CDH12: variants seen among roughly 807,000 people sequenced by gnomAD.
The protein encoded by CDH12 is cadherin 12.
CDH12 carries 41 observed loss-of-function variants against 74.1 expected under a neutral mutation model. The ratio of observed to expected loss-of-function variants is 0.55; its 90% CI spans 0.43 to 0.72. The LOEUF is 0.72. Ranked by LOEUF, CDH12 falls within the 30% of genes least tolerant of loss-of-function variation. CDH12 has a pLI of 0.00. For synonymous variants in CDH12, 399 were observed against 355.0 expected (o/e 1.12, Z -1.39); for missense variants, 945 against 977.2 (o/e 0.97, Z 0.44).
In CDH12 at chr5:21,920,688, A is replaced by AATAATAATAATAATC. The variant is rs567836094; in HGVS notation, c.526+54402_526+54403insGATTATTATTATTAT. ...AAAGTATGATAATAATAATAATAAT[A>AATAATAATAATAATC]ATCTTCAAAGCCAATATAGCCATTT... On this transcript the variant is annotated intron_variant, in intron 6 of 14. Transcript: ENST00000382254. 4.1e-3 allele frequency among the ~76,000 whole-genome samples: 622 copies of AATAATAATAATAATC among 150,062 alleles called. 1 individual carries two copies. The highest frequency in any genetic ancestry group is 6.7e-3 in the Non-Finnish European group (452 of 67,546).
chr5:22,322,868 T>G (rs1738942709), intron 3 of CDH12, among the ~76,000 whole-genome samples: 1 of 152,186 alleles, frequency 6.6e-6, no homozygotes, highest in Admixed American at 6.5e-5. Context: ...CCTGAATTAA[T>G]ATTTTACACA....
In CDH12 at chr5:22,078,878, A is replaced by G. The variant is rs530753129; in HGVS notation, c.-186-16T>C. The G allele has an allele frequency of 1.3e-5, 16 of 1,275,224 alleles. No individual in the cohort carries two copies. Among genetic ancestry groups the G allele is most frequent in the Non-Finnish European group, 1.6e-5 (16 of 998,236 alleles). 79.0% of individuals were successfully genotyped at this position (1,275,224 alleles called of 1,614,324 possible). Reference sequence around the variant, plus strand: ...CTAAAGGGGCCTATGAAATAGATGAACAAAGATACATTAAATTAATGAAAT... The same window carrying G: ...CTAAAGGGGCCTATGAAATAGATGAGCAAAGATACATTAAATTAATGAAAT... On this transcript the variant is annotated splice_polypyrimidine_tract_variant and intron_variant, in intron 4 of 14. Coordinates refer to ENST00000382254, the MANE Select transcript of CDH12 (RefSeq NM_004061.5).
intron 5 of CDH12, among the ~76,000 whole-genome samples, chr5:22,033,037 A>C (rs1383112946): frequency 1.4e-5 from 1 of 73,744 alleles, no homozygotes; most frequent in African/African-American, 7.8e-5. Context: ...TCTTGCTTCC[A>C]AAAAAAAAAA....
rs566819505 is a variant in CDH12, at chr5:22,698,921, G to A, written c.-523+154137C>T. Reference sequence around the variant, plus strand: ...AGGTGTAGTTTCTCTATGTAGTTGTGATACCAATATTTCTTTGTGTTTGAT... The same window carrying A: ...AGGTGTAGTTTCTCTATGTAGTTGTAATACCAATATTTCTTTGTGTTTGAT... On this transcript the variant is annotated intron_variant, in intron 1 of 14. Transcript: ENST00000382254. Among the ~76,000 whole-genome samples the A allele has an allele frequency of 3.0e-4, 45 of 151,596 alleles. 1 individual carries two copies. In the South Asian group the frequency reaches 9.4e-3, roughly 32 times the overall value.
chr5:21,901,744 C>A (rs1371642436), intron 6 of CDH12, among the ~76,000 whole-genome samples: 1 of 152,052 alleles, frequency 6.6e-6, no homozygotes, highest in Non-Finnish European at 1.5e-5. Flanking sequence ...CAGGTGTTCT[C>A]CCTCACTATG....
At chr5:21,994,251 C>T (rs564229173) in intron 5 of CDH12, among the ~76,000 whole-genome samples, 1 of 151,938 alleles carries the variant, frequency 6.6e-6, no homozygotes, top group South Asian at 2.1e-4. Context: ...AATAGAGTCC[C>T]TTCTAAAAAT....
intron 3 of CDH12, among the ~76,000 whole-genome samples, chr5:22,284,631 T>C (rs1352264007): frequency 2.0e-5 from 3 of 152,172 alleles, no homozygotes; most frequent in Non-Finnish European, 4.4e-5. Flanking sequence ...CTTAACCTAT[T>C]CATGGAAATT....
intron 1 of CDH12, among the ~76,000 whole-genome samples, chr5:22,793,008 C>G (rs1157241440): frequency 6.6e-6 from 1 of 152,192 alleles, no homozygotes; most frequent in African/African-American, 2.4e-5. Flanking sequence ...TGACCATGCA[C>G]CCCAAGGTAT....
chr5:22,397,096 A>C (rs901360565), intron 3 of CDH12, among the ~76,000 whole-genome samples: 1 of 152,116 alleles, frequency 6.6e-6, no homozygotes, highest in Admixed American at 6.6e-5. Flanking sequence ...TAAAAAGACA[A>C]TATCTCCCTG....
chr5:22,169,736 T>A (rs1748908650), intron 4 of CDH12, among the ~76,000 whole-genome samples: 1 of 151,956 alleles, frequency 6.6e-6, no homozygotes, highest in African/African-American at 2.4e-5. Context: ...AATTGATACA[T>A]AATATCTCAT....
chr5:22,477,867 C>T (rs535311134), intron 2 of CDH12, among the ~76,000 whole-genome samples: 125 of 152,284 alleles, frequency 8.2e-4, no homozygotes, highest in Non-Finnish European at 1.3e-3. Flanking sequence ...CATCTTATGT[C>T]ACATCCACAA....
intron 3 of CDH12, among the ~76,000 whole-genome samples, chr5:22,310,629 T>C (rs1738348589): frequency 6.6e-6 from 1 of 152,184 alleles, no homozygotes; most frequent in African/African-American, 2.4e-5. Context: ...TCCAATAGCA[T>C]CTACCCAAAA....
chr5:22,712,098 C>T (rs1347317077), intron 1 of CDH12, among the ~76,000 whole-genome samples: 1 of 151,956 alleles, frequency 6.6e-6, no homozygotes, highest in Non-Finnish European at 1.5e-5. Flanking sequence ...ACAGTAAATG[C>T]TCAGTAAGTG....
intron 2 of CDH12, among the ~76,000 whole-genome samples, chr5:22,445,440 C>T (rs1283388854): frequency 6.6e-6 from 1 of 152,044 alleles, no homozygotes; most frequent in Non-Finnish European, 1.5e-5. Flanking sequence ...TTCTATCCTG[C>T]CCCTTGGATA....
chr5:22,631,105 G>C (rs1202087072), intron 1 of CDH12, among the ~76,000 whole-genome samples: 2 of 152,144 alleles, frequency 1.3e-5, no homozygotes, highest in Non-Finnish European at 2.9e-5. Flanking sequence ...ACACCAGTTA[G>C]AATGGTTATT....
chr5:22,640,974 T>C lies in CDH12; in HGVS notation c.-522-135610A>G, dbSNP rs115494462. ...GTATTAACATTTTCAAGCTTTCTGA[T>C]GTGCCTTCTGCCAACTTCCCCCACT... On this transcript the variant is annotated intron_variant, in intron 1 of 14. Transcript: ENST00000382254. Among the ~76,000 whole-genome samples the C allele has an allele frequency of 4.9e-3, 747 of 152,338 alleles. 8 individuals carry two copies. Among genetic ancestry groups the C allele is most frequent in the African/African-American group, 0.017 (712 of 41,578 alleles).
At chr5:22,294,798 G>A (rs981674650) in intron 3 of CDH12, among the ~76,000 whole-genome samples, 3 of 152,156 alleles carry the variant, frequency 2.0e-5, no homozygotes, top group South Asian at 2.1e-4. Context: ...ATGGCCTCTC[G>A]TTTCTTATGT....
chr5:21,885,762 T>C (rs1175409231), intron 6 of CDH12, among the ~76,000 whole-genome samples: 2 of 152,174 alleles, frequency 1.3e-5, no homozygotes, highest in African/African-American at 4.8e-5. Flanking sequence ...CTCTACTATA[T>C]CATCAGTGCT....
In CDH12 at chr5:22,306,340, A is replaced by T. The variant is rs186243544; in HGVS notation, c.-332-93697T>A. On this transcript the variant is annotated intron_variant, in intron 3 of 14. Coordinates refer to ENST00000382254, the MANE Select transcript of CDH12 (RefSeq NM_004061.5). ...CTTTGCCTTGTGGTATAAGGAAAAA[A>T]AATAATGAGAGAGAGAAAAAGAAAG... is the stretch of plus-strand genomic sequence containing the variant. Among the ~76,000 whole-genome samples the T allele has an allele frequency of 1.6e-3, 239 of 152,212 alleles. 4 individuals carry two copies. Among genetic ancestry groups the T allele is most frequent in the African/African-American group, 5.6e-3 (233 of 41,528 alleles).
Sources: gnomAD v4.1 joint callset for allele counts (sites outside exome capture counted in the v4.1 genomes callset) on GRCh38, gnomAD v4.1.1 for gene constraint, MANE v1.5 for transcripts, NCBI Gene and HGNC (gene_info 2026-07-23, HGNC 2026-07-21) for gene names.